The following TRIM71 variants were observed in gnomAD, a reference collection of about 807,000 sequenced individuals.
The protein encoded by TRIM71 is E3 ubiquitin-protein ligase TRIM71.
In TRIM71, 9 loss-of-function variants were observed where a neutral mutation model predicts 61.2. The ratio of observed to expected loss-of-function variants is 0.15; its 90% confidence interval spans 0.09 to 0.26. The LOEUF (loss-of-function observed/expected upper bound fraction) is 0.26. Ranked by LOEUF, TRIM71 falls within the 10% of genes least tolerant of loss-of-function variation. The pLI is 1.00. For missense variants in TRIM71, 998 were observed against 1,238.7 expected (o/e 0.81, Z 2.92); for synonymous variants, 645 against 553.2 (o/e 1.17, Z -2.33).
At chr3:32,887,481 CTTTTTTTTT>C (rs10615630) in intron 3 of TRIM71, among the ~76,000 whole-genome samples, 1 of 110,036 alleles carries the variant, frequency 9.1e-6, no homozygotes, top group East Asian at 2.8e-4. Context: ...TAATTACTGA[CTTTTTTTTT>C]TTTTTTTTTT....
At chr3:32,828,174 G>A (rs186354899) in intron 1 of TRIM71, among the ~76,000 whole-genome samples, 1 of 152,224 alleles carries the variant, frequency 6.6e-6, no homozygotes, top group East Asian at 1.9e-4. Flanking sequence ...TGCCCTCCGA[G>A]ATCAGTGTCA....
intron 1 of TRIM71, among the ~76,000 whole-genome samples, chr3:32,822,177 C>T (rs1696142626): frequency 6.6e-6 from 1 of 152,124 alleles, no homozygotes; most frequent in Admixed American, 6.5e-5. Flanking sequence ...CCAGGAAAGC[C>T]TCTGTCACTA....
rs1323365673 is a variant in TRIM71 at position 32,897,177 on chromosome 3, C to T, written c.*5366C>T. The T allele has an allele frequency of 2.0e-5, 3 of 151,088 alleles. No individual in the cohort carries two copies. Among genetic ancestry groups the T allele is most frequent in the Non-Finnish European group, 4.4e-5 (3 of 67,892 alleles). 9.4% of individuals were successfully genotyped at this position (151,088 alleles called of 1,614,324 possible). ...ATTTTTAACTGCAGAACATGTGACT[C>T]GGTTGAGTCTTTTTGTCTTTTTTTT... On this transcript the variant is annotated 3_prime_UTR_variant, in exon 4 of 4. Coordinates refer to ENST00000383763, the MANE Select transcript of TRIM71 (RefSeq NM_001039111.3).
intron 1 of TRIM71, among the ~76,000 whole-genome samples, chr3:32,821,932 A>C (rs1384533537): frequency 1.3e-5 from 2 of 152,008 alleles, no homozygotes. Flanking sequence ...CGCTCTGGTC[A>C]TGGAGTAGGG....
intron 2 of TRIM71, among the ~76,000 whole-genome samples, chr3:32,876,698 A>G (rs1409183204): frequency 6.6e-6 from 1 of 152,204 alleles, no homozygotes; most frequent in Non-Finnish European, 1.5e-5. Flanking sequence ...CAGTTGGAGC[A>G]TTATTGAGAG....
intron 2 of TRIM71, among the ~76,000 whole-genome samples, chr3:32,883,311 G>T (rs537728921): frequency 6.6e-6 from 1 of 152,040 alleles, no homozygotes; most frequent in South Asian, 2.1e-4. Context: ...TTAGTTTATC[G>T]GGTCTGTTGT....
intron 3 of TRIM71, 116 bp downstream of exon 3, chr3:32,886,184 C>T (rs1696959728): frequency 5.4e-6 from 7 of 1,304,480 alleles, no homozygotes; most frequent in Non-Finnish European, 7.0e-6. Context: ...TAAAACACTT[C>T]GTAATTTTCC....
At chr3:32,852,791 C>T (rs979021174) in intron 1 of TRIM71, among the ~76,000 whole-genome samples, 7 of 150,686 alleles carry the variant, frequency 4.6e-5, no homozygotes, top group Non-Finnish European at 5.9e-5. Context: ...CAAACTTTAT[C>T]TGGTATTTAG....
At chr3:32,829,185 C>CT (rs71630549) in intron 1 of TRIM71, among the ~76,000 whole-genome samples, 1,674 of 129,762 alleles carry the variant, frequency 0.013, 17 homozygotes, top group East Asian at 0.019. Flanking sequence ...TTTTTCTTTT[C>CT]TTTTTTTTTT....
chr3:32,858,333 G>A lies in TRIM71; in HGVS notation c.853-15485G>A, dbSNP rs72851701. 4.1e-3 allele frequency among the ~76,000 whole-genome samples: 619 copies of A among 152,188 alleles called. 4 individuals carry two copies. The highest frequency in any genetic ancestry group is 0.014 in the African/African-American group (597 of 41,544). On this transcript the variant is annotated intron_variant, in intron 1 of 3. Transcript: ENST00000383763. ...CGTGAGCAAACCTGCCCAGACTGAC[G>A]GTCGAACAGCTCTGGGAATAGAAGC...
At chr3:32,825,496 CT>C (rs1696190218) in intron 1 of TRIM71, among the ~76,000 whole-genome samples, 2 of 152,100 alleles carry the variant, frequency 1.3e-5, no homozygotes, top group South Asian at 4.1e-4. Context: ...TTTATTTTGT[CT>C]GTGTTCATTC....
At chr3:32,836,445 T>A (rs1039774059) in intron 1 of TRIM71, among the ~76,000 whole-genome samples, 7 of 152,230 alleles carry the variant, frequency 4.6e-5, no homozygotes, top group African/African-American at 1.7e-4. Context: ...AAATACTGAT[T>A]ACTAGTTGTG....
intron 1 of TRIM71, among the ~76,000 whole-genome samples, chr3:32,840,334 G>A (rs1054649088): frequency 4.7e-5 from 7 of 149,906 alleles, no homozygotes; most frequent in South Asian, 2.1e-4. Flanking sequence ...AACAAACCCC[G>A]CATTCTGTGC....
Position 32,896,706 on chromosome 3 carries a change from A to C in TRIM71, c.*4895A>C, listed in dbSNP as rs189163053. 1 of 152,328 alleles carries C rather than the reference A, an allele frequency of 6.6e-6. No homozygotes were observed. Among genetic ancestry groups the C allele is most frequent in the Non-Finnish European group, 1.5e-5 (1 of 68,024 alleles). 9.4% of individuals were successfully genotyped at this position (152,328 alleles called of 1,614,324 possible). ...ATTTTCCATCATCATTTAACCAATA[A>C]TGGTTCTAAAAGTTTTGTGTATCCA... On this transcript the variant is annotated 3_prime_UTR_variant, in exon 4 of 4. Coordinates refer to ENST00000383763, the MANE Select transcript of TRIM71 (RefSeq NM_001039111.3).
At chr3:32,853,118 CTCTT>C (rs756618799) in intron 1 of TRIM71, among the ~76,000 whole-genome samples, 410 of 110,920 alleles carry the variant, frequency 3.7e-3, no homozygotes, top group Middle Eastern at 5.4e-3. Context: ...CTCTCTCTCT[CTCTT>C]TTTTTTTTTT....
chr3:32,825,197 T>G (rs1257894736), intron 1 of TRIM71, among the ~76,000 whole-genome samples: 2 of 152,210 alleles, frequency 1.3e-5, no homozygotes, highest in African/African-American at 4.8e-5. Context: ...TGTAAAATTA[T>G]GAGCATAATT....
At chr3:32,827,750 G>GA (rs1322013579) in intron 1 of TRIM71, among the ~76,000 whole-genome samples, 1 of 152,168 alleles carries the variant, frequency 6.6e-6, no homozygotes, top group African/African-American at 2.4e-5. Flanking sequence ...AGGGGCCCTT[G>GA]AATGGACCTT....
intron 1 of TRIM71, among the ~76,000 whole-genome samples, chr3:32,828,649 C>G (rs538386402): frequency 6.6e-6 from 1 of 151,640 alleles, no homozygotes; most frequent in South Asian, 2.1e-4. Context: ...GTGCATGCCA[C>G]GATGCCCGGC....
chr3:32,858,629 T>C (rs112942858), intron 1 of TRIM71, among the ~76,000 whole-genome samples: 2 of 152,230 alleles, frequency 1.3e-5, no homozygotes, highest in African/African-American at 2.4e-5. Flanking sequence ...GAGTTTTAGA[T>C]GCAGTGGGAT....
Sources: allele counts gnomAD v4.1 joint callset (sites outside exome capture counted in the v4.1 genomes callset), GRCh38; gene constraint gnomAD v4.1.1; transcripts MANE v1.5; gene names NCBI Gene and HGNC (gene_info 2026-07-23, HGNC 2026-07-21).